Variants in VEGFD observed in about 807,000 individuals in gnomAD.
The protein encoded by VEGFD is c-fos induced growth factor (vascular endothelial growth factor D).
In VEGFD, 26 loss-of-function variants were observed where a neutral mutation model predicts 28.0. The observed-to-expected ratio is 0.93, with a 90% confidence interval of 0.68 to 1.29. The LOEUF (loss-of-function observed/expected upper bound fraction) is 1.29. Among genes scored for constraint, VEGFD ranks in the 50% most tolerant of loss-of-function variants. The pLI is 0.00. For synonymous variants in VEGFD, 93 were observed against 95.5 expected (o/e 0.97, Z 0.15); for missense variants, 294 against 273.4 (o/e 1.08, Z -0.53).
chrX:15,382,137 A>T (rs12843566), intron 1 of VEGFD, among the ~76,000 whole-genome samples: 1 of 110,534 alleles, frequency 9.0e-6, no homozygotes, highest in Non-Finnish European at 1.9e-5. Flanking sequence ...TGGCTAACAC[A>T]GTGAAACCCT....
chrX:15,376,173 G>C, intron 1 of VEGFD, among the ~76,000 whole-genome samples: 1 of 111,803 alleles, frequency 8.9e-6, no homozygotes, highest in Middle Eastern at 4.2e-3. Flanking sequence ...CTCTGAGGGA[G>C]GGATATATTT....
At chrX:15,359,127 C>T (rs1322942691) in intron 2 of VEGFD, among the ~76,000 whole-genome samples, 2 of 110,764 alleles carry the variant, frequency 1.8e-5, no homozygotes, top group African/African-American at 6.6e-5. Flanking sequence ...CAGTGGTCCC[C>T]ATCTCCTGAT....
chrX:15,374,025 A>C (rs763432952), intron 1 of VEGFD, among the ~76,000 whole-genome samples: 68 of 111,694 alleles, frequency 6.1e-4, no homozygotes, highest in African/African-American at 1.8e-3. Context: ...CTCAGTTGGA[A>C]ATAACATTCC....
intron 5 of VEGFD, among the ~76,000 whole-genome samples, chrX:15,351,027 A>ATTTTTTTTTT (rs35997805): frequency 3.4e-4 from 5 of 14,756 alleles, no homozygotes; most frequent in Admixed American, 1.3e-3. Flanking sequence ...ATGCCCAGCT[A>ATTTTTTTTTT]TTTTTTTTTT....
intron 1 of VEGFD, among the ~76,000 whole-genome samples, chrX:15,364,446 G>T (rs956651347): frequency 9.0e-6 from 1 of 111,541 alleles, no homozygotes; most frequent in Non-Finnish European, 1.9e-5. Context: ...TCAAAATTGG[G>T]GGCTTAGTTA....
Position 15,361,116 on chromosome X carries a change from C to T in VEGFD, c.301+1993G>A, listed in dbSNP as rs139627050. 5.4e-3 allele frequency among the ~76,000 whole-genome samples: 608 copies of T among 112,220 alleles called. 5 individuals are homozygous for T. The highest frequency in any genetic ancestry group is 0.018 in the African/African-American group (566 of 30,888). ...ACTTCAGATGATCCCCTAGAAATTA[C>T]GAGATAAATTCATAGGGTTTGCAAA... is the stretch of plus-strand genomic sequence containing the variant. On this transcript the variant is annotated intron_variant, in intron 2 of 6. Coordinates refer to ENST00000297904, the MANE Select transcript of VEGFD (RefSeq NM_004469.5).
Position 15,346,193 on chromosome X carries a change from A to G in VEGFD, c.1005T>C (p.His335=), listed in dbSNP as rs751769838. 1.6e-5 allele frequency: 19 copies of G among 1,209,570 alleles called. No individual in the cohort carries two copies. The highest frequency in any genetic ancestry group is 1.3e-4 in the Admixed American group (6 of 45,891). The change falls in exon 7 of 7, where the codon CAT becomes CAC. Residue 335 remains histidine, a synonymous_variant. Transcript: ENST00000297904. ...CASGKTACAK[H]CRFPKEKRAA... is the part of the protein sequence containing the mutation. Reference sequence around the variant, plus strand: ...CCCTTTTCTCCTTTGGAAAGCGGCAATGCTTTGCACATGCTGTTTTGCCAC... The same window carrying G: ...CCCTTTTCTCCTTTGGAAAGCGGCAGTGCTTTGCACATGCTGTTTTGCCAC...
chrX:15,381,950 A>G lies in VEGFD; in HGVS notation c.90+1907T>C, dbSNP rs548234687. 9.3e-5 allele frequency among the ~76,000 whole-genome samples: 3 copies of G among 32,229 alleles called. No individual in the cohort carries two copies. In the South Asian group the frequency reaches 5.5e-3, roughly 60 times the overall value. The allele number at this position is 32,229 out of a possible 115,157, so 28.0% of individuals were successfully genotyped here. A position where few individuals can be genotyped will look rare whatever the true frequency, so the allele number is the denominator to read the frequency against. ...CGTGTAACAACTTGTTTTCTGTCAC[A>G]TGCAAATTCAGCTGCTTTCCTTCGT... is the stretch of plus-strand genomic sequence containing the variant. On this transcript the variant is annotated intron_variant, in intron 1 of 6. Transcript: ENST00000297904.
At chrX:15,364,621 C>T (rs1240846365) in intron 1 of VEGFD, among the ~76,000 whole-genome samples, 2 of 111,471 alleles carry the variant, frequency 1.8e-5, no homozygotes, top group Non-Finnish European at 1.9e-5. Context: ...CTTGCTGACC[C>T]GGTAGTTACT....
At chrX:15,349,362 T>C (rs755563117) in intron 5 of VEGFD, among the ~76,000 whole-genome samples, 116 of 112,104 alleles carry the variant, frequency 1.0e-3, no homozygotes, top group African/African-American at 3.4e-3. Context: ...CACATCCTTA[T>C]AGCCAAGTTA....
intron 5 of VEGFD, among the ~76,000 whole-genome samples, chrX:15,351,376 C>T (rs770573010): frequency 3.7e-5 from 4 of 108,774 alleles, no homozygotes; most frequent in African/African-American, 1.3e-4. Context: ...GCCTCGGCCT[C>T]CCAAAGTGCT....
chrX:15,380,247 G>A (rs1169437052), intron 1 of VEGFD, among the ~76,000 whole-genome samples: 1 of 112,380 alleles, frequency 8.9e-6, no homozygotes, highest in Non-Finnish European at 1.9e-5. Flanking sequence ...CAGGGAGAAG[G>A]AGTGGGACTG....
At chrX:15,347,867 A>G (rs184339037) in intron 5 of VEGFD, among the ~76,000 whole-genome samples, 1 of 112,018 alleles carries the variant, frequency 8.9e-6, no homozygotes, top group East Asian at 2.8e-4. Context: ...AGGAGTAATA[A>G]TGAACTTTGA....
intron 4 of VEGFD, among the ~76,000 whole-genome samples, chrX:15,353,408 T>C (rs1197677918): frequency 8.9e-6 from 1 of 112,758 alleles, no homozygotes; most frequent in Non-Finnish European, 1.9e-5. Flanking sequence ...TCAAATGTTC[T>C]CACCACAAAA....
intron 1 of VEGFD, among the ~76,000 whole-genome samples, chrX:15,363,836 T>C (rs1179969124): frequency 8.9e-6 from 1 of 111,854 alleles, no homozygotes; most frequent in Non-Finnish European, 1.9e-5. Flanking sequence ...AAGCGGGGGA[T>C]TGCCTAGAGC....
intron 1 of VEGFD, among the ~76,000 whole-genome samples, chrX:15,374,701 C>A (rs1438639973): frequency 2.7e-5 from 3 of 110,443 alleles, no homozygotes; most frequent in Admixed American, 1.9e-4. Flanking sequence ...GAACTACACA[C>A]CAAAAGGGAA....
In VEGFD at chrX:15,346,105, A is replaced by T; in HGVS notation, c.*28T>A. On this transcript the variant is annotated 3_prime_UTR_variant, in exon 7 of 7. Coordinates refer to ENST00000297904, the MANE Select transcript of VEGFD (RefSeq NM_004469.5). ...GCAAAGCAGCATGCTGTTAAAAATG[A>T]CAGGGATGGGGAACTTGGAACGCTG... The T allele has an allele frequency of 8.3e-7, 1 of 1,200,174 alleles. No homozygotes were observed. Among genetic ancestry groups the T allele is most frequent in the Non-Finnish European group, 1.1e-6 (1 of 891,045 alleles).
chrX:15,371,415 T>C (rs1465374580), intron 1 of VEGFD, among the ~76,000 whole-genome samples: 2 of 112,319 alleles, frequency 1.8e-5, no homozygotes, highest in Non-Finnish European at 3.8e-5. Context: ...ATATCCTAAA[T>C]AGTTTTGCAA....
intron 1 of VEGFD, among the ~76,000 whole-genome samples, chrX:15,370,987 TG>T (rs929650892): frequency 3.6e-5 from 4 of 110,462 alleles, no homozygotes; most frequent in African/African-American, 1.3e-4. Context: ...GTGCTCTCAC[TG>T]GGGCTGATGG....
Sources: allele counts gnomAD v4.1 joint callset (sites outside exome capture counted in the v4.1 genomes callset), GRCh38; gene constraint gnomAD v4.1.1; transcripts MANE v1.5; gene names NCBI Gene and HGNC (gene_info 2026-07-23, HGNC 2026-07-21).